Variants in COL12A1 observed in about 807,000 individuals in gnomAD.
COL12A1 encodes the protein collagen type XII alpha 1 chain.
Under a neutral mutation model 349.7 loss-of-function variants are expected in COL12A1, and 114 were observed. The observed-to-expected ratio is 0.33, with a 90% CI of 0.28 to 0.38. The LOEUF (loss-of-function observed/expected upper bound fraction) is 0.38. COL12A1 is among the 10% of genes least tolerant of loss of function. The pLI, the probability that COL12A1 is intolerant of heterozygous loss-of-function variation, is 1.00. For missense variants in COL12A1, 3,284 were observed against 3,756.9 expected (o/e 0.87, Z 3.29); for synonymous variants, 1,369 against 1,329.0 (o/e 1.03, Z -0.66).
At chr6:75,174,060 C>T (rs1178147143) in intron 13 of COL12A1, among the ~76,000 whole-genome samples, 2 of 152,146 alleles carry the variant, frequency 1.3e-5, no homozygotes, top group South Asian at 2.1e-4. Flanking sequence ...GCATTATTCA[C>T]TTAGTAGCTG....
At chr6:75,181,957 G>A (rs1240432645) in intron 10 of COL12A1, among the ~76,000 whole-genome samples, 3 of 150,744 alleles carry the variant, frequency 2.0e-5, no homozygotes, top group Admixed American at 1.3e-4. Flanking sequence ...TTAGCCAGGC[G>A]TGGTGGCACA....
At chr6:75,121,685 C>T (rs1765741427) in intron 43 of COL12A1, among the ~76,000 whole-genome samples, 1 of 152,070 alleles carries the variant, frequency 6.6e-6, no homozygotes, top group African/African-American at 2.4e-5. Flanking sequence ...TGCGGGGACC[C>T]TCAATACCTG....
At chr6:75,133,515 C>T (rs1766419362) in intron 33 of COL12A1, 93 bp from the exon 34 acceptor site, 4 of 1,264,286 alleles carry the variant, frequency 3.2e-6, no homozygotes, top group South Asian at 3.1e-5. Context: ...AAGACCAAGT[C>T]AAGAAGTAGG....
intron 64 of COL12A1, among the ~76,000 whole-genome samples, chr6:75,088,770 G>A (rs1380232124): frequency 1.3e-5 from 2 of 151,922 alleles, no homozygotes; most frequent in Non-Finnish European, 2.9e-5. Flanking sequence ...TGGGGCCAAA[G>A]TGGGAAGATC....
intron 55 of COL12A1, among the ~76,000 whole-genome samples, chr6:75,103,168 G>C (rs990092256): frequency 2.6e-5 from 4 of 152,196 alleles, no homozygotes; most frequent in Admixed American, 2.6e-4. Context: ...GATGGAAAAG[G>C]CACAACCTTG....
At chr6:75,178,605 T>C (rs571788125) in intron 11 of COL12A1, among the ~76,000 whole-genome samples, 7 of 152,348 alleles carry the variant, frequency 4.6e-5, no homozygotes, top group African/African-American at 1.7e-4. Flanking sequence ...CATTTGGTTT[T>C]GTGTTTAGTA....
chr6:75,156,659 C>G, intron 14 of COL12A1, 136 bp from the exon 15 acceptor site: 1 of 857,524 alleles, frequency 1.2e-6, no homozygotes, highest in Non-Finnish European at 1.8e-6. Context: ...ATTGTAATCT[C>G]TCATAAATTC....
chr6:75,166,103 A>T (rs1414343414), intron 13 of COL12A1, among the ~76,000 whole-genome samples: 2 of 152,132 alleles, frequency 1.3e-5, no homozygotes. Context: ...AGGAAAAAAA[A>T]TGTATCTAAG....
intron 45 of COL12A1, 67 bp downstream of exon 45, chr6:75,119,283 A>G: frequency 6.2e-7 from 1 of 1,607,240 alleles, no homozygotes; most frequent in Non-Finnish European, 8.5e-7. Flanking sequence ...GGATATCAGC[A>G]TGAGATAATA....
At chr6:75,093,625 A>G (rs1439646465) in intron 60 of COL12A1, among the ~76,000 whole-genome samples, 2 of 152,164 alleles carry the variant, frequency 1.3e-5, no homozygotes, top group Admixed American at 6.5e-5. Context: ...AGAGTTATCT[A>G]TTTCTTTGCC....
chr6:75,114,819 G>GA (rs1336952163), intron 49 of COL12A1, among the ~76,000 whole-genome samples: 3 of 151,992 alleles, frequency 2.0e-5, no homozygotes, highest in Non-Finnish European at 2.9e-5. Context: ...TAGTGCTTGT[G>GA]AAAAAATTAT....
intron 36 of COL12A1, 72 bp from the exon 37 acceptor site, chr6:75,130,305 C>T: frequency 2.0e-6 from 3 of 1,486,208 alleles, no homozygotes; most frequent in Non-Finnish European, 2.7e-6. Flanking sequence ...AAGGAGGTTG[C>T]TTGCATGTGT....
chr6:75,172,776 T>C (rs984257086), intron 13 of COL12A1, among the ~76,000 whole-genome samples: 3 of 152,262 alleles, frequency 2.0e-5, no homozygotes, highest in Admixed American at 6.5e-5. Context: ...ACTAAAGCTA[T>C]ACAGTTGACA....
intron 61 of COL12A1, 25 bp downstream of exon 61, chr6:75,091,461 TAAAC>T: frequency 6.2e-7 from 1 of 1,612,850 alleles, no homozygotes. Flanking sequence ...ACACACAAAA[TAAAC>T]GTAAGATTTT....
intron 11 of COL12A1, among the ~76,000 whole-genome samples, chr6:75,179,537 C>T (rs1478846942): frequency 6.9e-6 from 1 of 145,648 alleles, no homozygotes; most frequent in Non-Finnish European, 1.5e-5. Flanking sequence ...TATACCTAAA[C>T]CATGCAAAAA....
chr6:75,089,711 C>A (rs778709196), intron 63 of COL12A1, among the ~76,000 whole-genome samples: 1 of 152,118 alleles, frequency 6.6e-6, no homozygotes, highest in Non-Finnish European at 1.5e-5. Context: ...ACATACAAGA[C>A]CAGTGCCAGA....
intron 59 of COL12A1, among the ~76,000 whole-genome samples, chr6:75,095,651 A>G (rs931791180): frequency 6.9e-6 from 1 of 145,186 alleles, no homozygotes; most frequent in Non-Finnish European, 1.5e-5. Flanking sequence ...AAAAAAAAAA[A>G]GATAACATGA....
rs564748205 is a variant in COL12A1 at position 75,141,739 on chromosome 6, C to T, written c.4957+293G>A. On this transcript the variant is annotated intron_variant, in intron 27 of 65. Transcript: ENST00000322507. ...GTGCAACATACGTCAAGAAAACTTG[C>T]CCACCCCACTACACATACATGCACA... Among the ~76,000 whole-genome samples the T allele has an allele frequency of 4.6e-5, 7 of 152,256 alleles. No homozygotes were observed. The South Asian group carries it at 6.2e-4, about 14-fold the overall frequency.
chr6:75,202,940 A>G (rs1582233956), intron 1 of COL12A1, 113 bp from the exon 2 acceptor site: 1 of 636,530 alleles, frequency 1.6e-6, no homozygotes, highest in South Asian at 2.0e-5. Context: ...CTTAAAAACC[A>G]CAGGGCCTAC....
Sources: gnomAD v4.1 joint callset for allele counts (sites outside exome capture counted in the v4.1 genomes callset) on GRCh38, gnomAD v4.1.1 for gene constraint, MANE v1.5 for transcripts, NCBI Gene and HGNC (gene_info 2026-07-23, HGNC 2026-07-21) for gene names.